Variants in STXBP5L observed in about 807,000 individuals in gnomAD.
The protein encoded by STXBP5L is syntaxin-binding protein 5-like.
A neutral mutation model predicts 144.5 loss-of-function variants in STXBP5L; 65 were observed. The ratio of observed to expected loss-of-function variants is 0.45; its 90% CI spans 0.37 to 0.55. STXBP5L has a LOEUF of 0.55. STXBP5L is among the 20% of genes least tolerant of loss of function. STXBP5L has a pLI of 0.00. For synonymous variants in STXBP5L, 505 were observed against 469.6 expected, an observed-to-expected ratio of 1.08 and a Z score of -0.97; for missense variants, 1,298 against 1,405.5, an observed-to-expected ratio of 0.92 and a Z score of 1.22.
intron 2 of STXBP5L, among the ~76,000 whole-genome samples, chr3:120,917,200 A>C (rs1164193165): frequency 1.3e-5 from 2 of 152,214 alleles, no homozygotes; most frequent in Non-Finnish European, 2.9e-5. Flanking sequence ...TCAAAACAAC[A>C]AACAAATAAC....
intron 4 of STXBP5L, 101 bp downstream of exon 4, chr3:121,041,882 A>G (rs1560044215): frequency 5.4e-6 from 4 of 744,186 alleles, no homozygotes; most frequent in South Asian, 1.7e-5. Context: ...ATGCTTAAAT[A>G]TATATGCATG....
intron 9 of STXBP5L, among the ~76,000 whole-genome samples, chr3:121,185,511 C>T (rs1394152022): frequency 6.6e-6 from 1 of 152,184 alleles, no homozygotes; most frequent in Non-Finnish European, 1.5e-5. Flanking sequence ...CAGCTTTCTA[C>T]ATATGGCTGG....
At chr3:121,061,712 C>G (rs999898174) in intron 5 of STXBP5L, among the ~76,000 whole-genome samples, 2 of 152,194 alleles carry the variant, frequency 1.3e-5, no homozygotes, top group Non-Finnish European at 2.9e-5. Context: ...GATCCCTTTA[C>G]TATTATGTAA....
At chr3:121,008,113 C>T in intron 3 of STXBP5L, among the ~76,000 whole-genome samples, 1 of 151,912 alleles carries the variant, frequency 6.6e-6, no homozygotes, top group East Asian at 1.9e-4. Flanking sequence ...TAGGCCTTTT[C>T]TGGGTGTCAG....
At position 121,372,642 on chromosome 3, in the gene STXBP5L, T is replaced by C. The variant is rs556148326; in HGVS notation, c.2177-6074T>C. Among the ~76,000 whole-genome samples the C allele has an allele frequency of 4.1e-4, 62 of 152,226 alleles. 1 individual carries two copies. Among genetic ancestry groups the C allele is most frequent in the Admixed American group, 3.3e-4 (5 of 15,302 alleles). ...GCCCAATGCAGGTTTCCCAGCTTTC[T>C]TCTCCTTTAGCCCAGCCCCTGTGTC... On this transcript the variant is annotated intron_variant, in intron 20 of 26. Coordinates refer to ENST00000471454, the MANE Select transcript of STXBP5L (RefSeq NM_001308330.2).
intron 9 of STXBP5L, among the ~76,000 whole-genome samples, chr3:121,161,287 T>C (rs2046314523): frequency 1.3e-5 from 2 of 151,742 alleles, no homozygotes; most frequent in South Asian, 2.1e-4. Context: ...TTCCTGGATT[T>C]AGATTCCTGA....
At chr3:121,409,033 C>A (rs528317282) in intron 23 of STXBP5L, among the ~76,000 whole-genome samples, 3 of 151,690 alleles carry the variant, frequency 2.0e-5, no homozygotes, top group Non-Finnish European at 2.9e-5. Flanking sequence ...GTGTTATAAG[C>A]CATCCAGCAG....
chr3:120,914,904 G>A (rs867287135), intron 2 of STXBP5L, among the ~76,000 whole-genome samples: 8 of 152,046 alleles, frequency 5.3e-5, no homozygotes, highest in African/African-American at 1.7e-4. Context: ...ACCAAAGCCA[G>A]ATGACTCAGT....
chr3:121,372,286 G>C (rs1018836800), intron 20 of STXBP5L, among the ~76,000 whole-genome samples: 1 of 152,142 alleles, frequency 6.6e-6, no homozygotes, highest in Non-Finnish European at 1.5e-5. Flanking sequence ...TCATGGGCAA[G>C]ACCACCCTAT....
chr3:120,992,151 A>G (rs1224868732), intron 3 of STXBP5L, among the ~76,000 whole-genome samples: 2 of 151,920 alleles, frequency 1.3e-5, no homozygotes, highest in East Asian at 1.9e-4. Flanking sequence ...AAACTTATTT[A>G]TTTATTTATT....
In STXBP5L at chr3:121,409,844, T is replaced by G. The variant is rs551035975; in HGVS notation, c.2948+2241T>G. 1.9e-3 allele frequency among the ~76,000 whole-genome samples: 288 copies of G among 151,970 alleles called. 2 individuals carry two copies. The highest frequency in any genetic ancestry group is 4.0e-3 in the East Asian group (21 of 5,186). ...CTAAAATATTTACTATCATAAATATTTATGGGCCCTTTTCCCCTGGTATTG... is the reference window on the plus strand; with the variant it reads ...CTAAAATATTTACTATCATAAATATGTATGGGCCCTTTTCCCCTGGTATTG... On this transcript the variant is annotated intron_variant, in intron 23 of 26. Transcript: ENST00000471454.
At chr3:121,196,476 C>G (rs1421809215) in intron 9 of STXBP5L, among the ~76,000 whole-genome samples, 1 of 151,840 alleles carries the variant, frequency 6.6e-6, no homozygotes, top group Non-Finnish European at 1.5e-5. Context: ...GGAGGTCTTT[C>G]CTTTTATCTG....
chr3:121,339,230 T>C (rs2044620027), intron 20 of STXBP5L, among the ~76,000 whole-genome samples: 1 of 152,140 alleles, frequency 6.6e-6, no homozygotes, highest in South Asian at 2.1e-4. Flanking sequence ...TATGATTAAG[T>C]GGGTATTATC....
intron 22 of STXBP5L, among the ~76,000 whole-genome samples, chr3:121,382,633 A>G (rs1277182947): frequency 6.6e-6 from 1 of 152,142 alleles, no homozygotes; most frequent in African/African-American, 2.4e-5. Context: ...TTAAAGGTAC[A>G]GTCAGCTTCC....
At chr3:120,979,699 T>C (rs1941541095) in intron 3 of STXBP5L, among the ~76,000 whole-genome samples, 1 of 152,160 alleles carries the variant, frequency 6.6e-6, no homozygotes, top group African/African-American at 2.4e-5. Flanking sequence ...GACTGCCAGC[T>C]CCGATCCTTT....
chr3:121,253,935 G>C (rs994445716), intron 15 of STXBP5L, among the ~76,000 whole-genome samples: 2 of 151,324 alleles, frequency 1.3e-5, no homozygotes, highest in Admixed American at 6.6e-5. Flanking sequence ...TTACAGGCGT[G>C]AGCCACTGCG....
intron 14 of STXBP5L, among the ~76,000 whole-genome samples, chr3:121,240,923 A>T (rs950706010): frequency 6.6e-6 from 1 of 152,168 alleles, no homozygotes; most frequent in Non-Finnish European, 1.5e-5. Flanking sequence ...TTGTATGACA[A>T]CCCACTTGAT....
intron 4 of STXBP5L, among the ~76,000 whole-genome samples, chr3:121,042,586 T>C (rs1187360936): frequency 1.3e-5 from 2 of 152,190 alleles, no homozygotes; most frequent in Non-Finnish European, 2.9e-5. Context: ...ATGACAATGA[T>C]CTTTCATTCA....
chr3:121,342,332 T>C (rs1163601679), intron 20 of STXBP5L, among the ~76,000 whole-genome samples: 4 of 152,144 alleles, frequency 2.6e-5, no homozygotes, highest in Non-Finnish European at 4.4e-5. Flanking sequence ...CATTAGGAAT[T>C]ATACTAGAAT....
Sources: allele counts gnomAD v4.1 joint callset (sites outside exome capture counted in the v4.1 genomes callset), GRCh38; gene constraint gnomAD v4.1.1; transcripts MANE v1.5; gene names NCBI Gene and HGNC (gene_info 2026-07-23, HGNC 2026-07-21).